Variants in UTRN observed in about 807,000 individuals in gnomAD.
UTRN encodes utrophin, also known as dystrophin-related protein 1.
Under a neutral mutation model 463.9 loss-of-function variants are expected in UTRN, and 283 were observed. That is an observed-to-expected ratio of 0.61 (90% confidence interval 0.55 to 0.67). The LOEUF (loss-of-function observed/expected upper bound fraction) is 0.67, where lower values mean the gene tolerates loss of function less well. Ranked by LOEUF, UTRN falls within the 30% of genes least tolerant of loss-of-function variation. The probability of loss-of-function intolerance (pLI) is 0.00; values close to 1 mark genes in which losing one functional copy is unlikely to be tolerated. For missense variants in UTRN, 3,922 were observed against 4,084.3 expected (o/e 0.96, Z 1.08); for synonymous variants, 1,442 against 1,431.5 (o/e 1.01, Z -0.17).
intron 73 of UTRN, among the ~76,000 whole-genome samples, chr6:144,843,156 T>C (rs946606070): frequency 3.3e-5 from 5 of 152,196 alleles, no homozygotes; most frequent in African/African-American, 7.2e-5. Flanking sequence ...AATAATTAGT[T>C]AAAAACAAAT....
chr6:144,791,019 A>G (rs188709687), intron 62 of UTRN, among the ~76,000 whole-genome samples: 153 of 152,350 alleles, frequency 1.0e-3, no homozygotes, highest in Non-Finnish European at 1.9e-3. Context: ...ATGCCATTTT[A>G]GAACTAATTA....
rs140120477 is a variant in UTRN at position 144,384,217 on chromosome 6, G to A, written c.80-18906G>A. On this transcript the variant is annotated intron_variant, in intron 2 of 74. Coordinates refer to ENST00000367545, the MANE Select transcript of UTRN (RefSeq NM_007124.3). ...ATTAAACCAGGGGTCCCCAAGCCCTGGGCCACAGGTCGCTACTAGTCTGTT... is the reference window on the plus strand; with the variant it reads ...ATTAAACCAGGGGTCCCCAAGCCCTAGGCCACAGGTCGCTACTAGTCTGTT... Among the ~76,000 whole-genome samples the A allele has an allele frequency of 2.6e-5, 4 of 152,248 alleles. No individual in the cohort carries two copies. The East Asian group carries it at 7.7e-4, about 29-fold the overall frequency.
chr6:144,774,283 A>G lies in UTRN; in HGVS notation c.8558-7A>G, dbSNP rs1449064097. The G allele has an allele frequency of 1.9e-6, 3 of 1,595,016 alleles. No homozygotes were observed. Among genetic ancestry groups the G allele is most frequent in the South Asian group, 2.3e-5 (2 of 85,966 alleles). On this transcript the variant is annotated splice_polypyrimidine_tract_variant and splice_region_variant and intron_variant, in intron 59 of 74. Transcript: ENST00000367545. ...CTATCTTCAAATTGTTTCTTTTTCT[A>G]TTTCAGCTGACCTGAATAATGTACG...
chr6:144,485,727 C>T (rs1333914244), intron 28 of UTRN, among the ~76,000 whole-genome samples: 1 of 152,178 alleles, frequency 6.6e-6, no homozygotes, highest in Non-Finnish European at 1.5e-5. Flanking sequence ...AGCCTCAAGA[C>T]GTGGTTAGCT....
chr6:144,700,160 A>C lies in UTRN; in HGVS notation c.7726A>C (p.Asn2576His), dbSNP rs757366149. The change falls in exon 53 of 75, where the codon AAT becomes CAT. Residue 2576 changes from asparagine to histidine, a missense_variant. Transcript: ENST00000367545. ...MSLEELIKWL[N>H]MKDEELKKQM... is the part of the protein sequence containing the mutation. The stretch of plus-strand genomic sequence containing the variant: ...CTTAGAAGAACTGATCAAATGGCTG[A>C]ATATGAAAGATGAAGAGCTTAAGAA... The C allele has an allele frequency of 2.5e-6, 4 of 1,613,740 alleles. No individual in the cohort carries two copies. The South Asian group carries it at 4.4e-5, about 18-fold the overall frequency.
rs1281411474 is a variant in UTRN at position 144,827,759 on chromosome 6, C to T, written c.9599+83C>T. On this transcript the variant is annotated intron_variant, in intron 68 of 74. Transcript: ENST00000367545. ...TAATTAATCTAATATCATTAATATA[C>T]CTTGATTTAAGAAATGCAGTTTTGC... 42 of 1,450,494 alleles carry T rather than the reference C, an allele frequency of 2.9e-5. 2 individuals carry two copies. The Admixed American group carries it at 8.2e-4, about 28-fold the overall frequency. The allele number at this position is 1,450,494 out of a possible 1,614,324, so 89.9% of individuals were successfully genotyped here.
chr6:144,564,921 G>T (rs1800267357), intron 50 of UTRN, among the ~76,000 whole-genome samples: 1 of 152,162 alleles, frequency 6.6e-6, no homozygotes, highest in Admixed American at 6.6e-5. Flanking sequence ...TGTTAAGGAA[G>T]GGAGTGACAC....
At chr6:144,823,340 C>T (rs1779764639) in intron 66 of UTRN, among the ~76,000 whole-genome samples, 1 of 151,894 alleles carries the variant, frequency 6.6e-6, no homozygotes, top group Non-Finnish European at 1.5e-5. Flanking sequence ...TTCGGCTGAG[C>T]CCTTTCTAGT....
At chr6:144,633,292 C>T (rs1379118232) in intron 51 of UTRN, among the ~76,000 whole-genome samples, 4 of 146,846 alleles carry the variant, frequency 2.7e-5, no homozygotes, top group East Asian at 4.1e-4. Flanking sequence ...TGCAATGGCG[C>T]GATCTCGGCG....
At chr6:144,493,519 CTCTCTCTCGT>C (rs887400638) in intron 33 of UTRN, 63 bp downstream of exon 33, 34 of 1,517,960 alleles carry the variant, frequency 2.2e-5, no homozygotes, top group Middle Eastern at 3.5e-4. Context: ...CAATCTCTCT[CTCTCTCTCGT>C]TCTCTCTCAT....
At chr6:144,646,108 C>T (rs536596532) in intron 51 of UTRN, among the ~76,000 whole-genome samples, 14 of 152,248 alleles carry the variant, frequency 9.2e-5, no homozygotes, top group Non-Finnish European at 1.8e-4. Flanking sequence ...TGTATACTTA[C>T]TTAACAGTTC....
In UTRN at chr6:144,852,962, C is replaced by T. The variant is rs10192; in HGVS notation, c.*1965C>T. ...TTCTTTTGAAATATGTGGTAAAGAA[C>T]TAATCACAGACTATCATCTAATCTG... On this transcript the variant is annotated 3_prime_UTR_variant, in exon 75 of 75. Transcript: ENST00000367545. The T allele has an allele frequency of 1.3e-5, 2 of 152,158 alleles. No homozygotes were observed. Among genetic ancestry groups the T allele is most frequent in the Non-Finnish European group, 2.9e-5 (2 of 67,970 alleles). 9.4% of individuals were successfully genotyped at this position (152,158 alleles called of 1,614,324 possible).
chr6:144,505,684 A>G (rs1331827307), intron 34 of UTRN, among the ~76,000 whole-genome samples: 1 of 152,186 alleles, frequency 6.6e-6, no homozygotes, highest in Non-Finnish European at 1.5e-5. Context: ...TATGTGGTCA[A>G]TTTTAGAATA....
chr6:144,549,496 C>A (rs565312674), intron 47 of UTRN, among the ~76,000 whole-genome samples: 1 of 152,164 alleles, frequency 6.6e-6, no homozygotes, highest in Non-Finnish European at 1.5e-5. Flanking sequence ...CTTTAATAGT[C>A]TTGTGAGATA....
intron 2 of UTRN, among the ~76,000 whole-genome samples, chr6:144,390,855 C>T (rs1042768203): frequency 2.0e-5 from 3 of 152,210 alleles, no homozygotes; most frequent in Non-Finnish European, 4.4e-5. Flanking sequence ...CCCCACTCAT[C>T]CCAGGCCACT....
chr6:144,711,209 T>A (rs1175433067), intron 53 of UTRN, among the ~76,000 whole-genome samples: 2 of 151,902 alleles, frequency 1.3e-5, no homozygotes, highest in Non-Finnish European at 2.9e-5. Context: ...AGCTACTTGT[T>A]GGAGACTGAG....
chr6:144,783,303 A>C (rs1776016638), intron 61 of UTRN, among the ~76,000 whole-genome samples: 1 of 152,178 alleles, frequency 6.6e-6, no homozygotes, highest in Non-Finnish European at 1.5e-5. Context: ...CCAACCTTTG[A>C]TTTAGAGATA....
At chr6:144,307,171 G>A (rs1038596655) in intron 2 of UTRN, among the ~76,000 whole-genome samples, 9 of 152,102 alleles carry the variant, frequency 5.9e-5, no homozygotes, top group Non-Finnish European at 8.8e-5. Flanking sequence ...TGACGGCAGC[G>A]GAAGATGAAG....
chr6:144,676,825 T>A (rs142749113), intron 51 of UTRN, among the ~76,000 whole-genome samples: 56 of 152,306 alleles, frequency 3.7e-4, no homozygotes, highest in African/African-American at 1.3e-3. Flanking sequence ...TATTAGTAAA[T>A]GTTTCAAAAT....
Sources: gnomAD v4.1 joint callset for allele counts (sites outside exome capture counted in the v4.1 genomes callset) on GRCh38, gnomAD v4.1.1 for gene constraint, MANE v1.5 for transcripts, NCBI Gene and HGNC (gene_info 2026-07-23, HGNC 2026-07-21) for gene names.